OFD1: variants seen among roughly 807,000 people sequenced by gnomAD.
OFD1 encodes OFD1 centriole and centriolar satellite protein, also known as centriole and centriolar satellite protein OFD1.
Under a neutral mutation model 81.4 loss-of-function variants are expected in OFD1, and 12 were observed. The ratio of observed to expected loss-of-function variants is 0.15; its 90% confidence interval spans 0.09 to 0.24. The LOEUF is 0.24. Among genes scored for constraint, OFD1 ranks in the 10% least tolerant of loss-of-function variants. The pLI is 1.00. For synonymous variants in OFD1, 256 were observed against 263.7 expected (o/e 0.97, Z 0.28); for missense variants, 685 against 733.9 (o/e 0.93, Z 0.77).
Position 13,736,632 on chromosome X carries a change from A to T in OFD1, c.266A>T (p.Tyr89Phe). 1 of 1,210,537 alleles carries T rather than the reference A, an allele frequency of 8.3e-7. No homozygotes were observed. The highest frequency in any genetic ancestry group is 1.1e-6 in the Non-Finnish European group (1 of 894,709). The change falls in exon 3 of 23, where the codon TAT becomes TTT. Residue 89 changes from tyrosine to phenylalanine, a missense_variant. By Grantham distance (22) the Tyr-to-Phe change is conservative. Around this residue, in one of 3 missense-constraint regions of OFD1, gnomAD observed 414 missense variants for 447.2 expected, o/e 0.93. Transcript: ENST00000340096. ...CACTTACAAAGATGTGGCTATGAAT[A>T]TTCACTTTCTGTTTTCTTTCCAGAA... ...ADHLQRCGYE[Y>F]SLSVFFPESG... is the part of the protein sequence containing the mutation.
chrX:13,736,366 AG>A (rs775485918), intron 2 of OFD1, 111 bp from the exon 3 acceptor site: 2 of 1,097,959 alleles, frequency 1.8e-6, no homozygotes, highest in East Asian at 6.2e-5. Context: ...TGGAAATAGA[AG>A]GAAGGTTTCC....
downstream of OFD1, chrX:13,769,450 T>G (rs776446566): frequency 5.7e-6 from 1 of 175,980 alleles, no homozygotes; most frequent in South Asian, 1.8e-4. Flanking sequence ...TGTTCTTTCC[T>G]CTCCAAAGTT....
At position 13,756,693 on chromosome X, in the gene OFD1, A is replaced by C; in HGVS notation, c.1337A>C (p.Glu446Ala). Reference protein sequence around the residue: ...DYSLLKEEKLELLAQNKLLKQ... With the variant: ...DYSLLKEEKLALLAQNKLLKQ... ...TCACTACTAAAAGAAGAGAAACTGG[A>C]GCTTCTGGCACAAAATAAATTACTT... The change falls in exon 13 of 23, where the codon GAG (glutamate) becomes GCG (alanine). Residue 446 changes from glutamate (E) to alanine (A), a missense_variant. By Grantham distance (107) the Glu-to-Ala change is moderately radical (BLOSUM62 -1). Coordinates refer to ENST00000340096, the MANE Select transcript of OFD1 (RefSeq NM_003611.3). The C allele has an allele frequency of 8.3e-7, 1 of 1,206,735 alleles. No individual in the cohort carries two copies. Among genetic ancestry groups the C allele is most frequent in the Non-Finnish European group, 1.1e-6 (1 of 890,914 alleles).
At chrX:13,721,619 A>C in the OFD1 span, 2 of 112,104 alleles carry the variant, frequency 1.8e-5, no homozygotes, top group Non-Finnish European at 3.8e-5. Context: ...AATCAGAAGA[A>C]ATCTGATATG....
chrX:13,724,588 C>T, the OFD1 span, among the ~76,000 whole-genome samples: 1 of 111,315 alleles, frequency 9.0e-6, no homozygotes, highest in African/African-American at 3.3e-5. Flanking sequence ...AGGCAGGCTG[C>T]GAACCTCAAG....
chrX:13,739,675 A>T (rs2047012904), intron 5 of OFD1: 1 of 172,591 alleles, frequency 5.8e-6, no homozygotes, highest in African/African-American at 3.2e-5. Context: ...TTGAACCCGG[A>T]AGGCAGAGGT....
At chrX:13,733,038 C>T (rs1038287394), upstream of OFD1, among the ~76,000 whole-genome samples, 2 of 111,801 alleles carry the variant, frequency 1.8e-5, no homozygotes, top group Non-Finnish European at 3.8e-5. Context: ...ATTCTCCCTC[C>T]CCTAGAAGTT....
At chrX:13,716,835 T>C in the OFD1 span, 1 of 509,533 alleles carries the variant, frequency 2.0e-6, no homozygotes, top group Non-Finnish European at 3.2e-6. Context: ...AAAGATCTGT[T>C]TTCATATTAT....
At chrX:13,731,995 A>G (rs2041932215), upstream of OFD1, among the ~76,000 whole-genome samples, 1 of 112,081 alleles carries the variant, frequency 8.9e-6, no homozygotes. Flanking sequence ...TTAAAAATCA[A>G]CTGTACAAAA....
At chrX:13,748,305 A>G (rs2047371090) in intron 8 of OFD1, among the ~76,000 whole-genome samples, 1 of 112,067 alleles carries the variant, frequency 8.9e-6, no homozygotes, top group Non-Finnish European at 1.9e-5. Context: ...TCCTCATAAG[A>G]AGCACCATGT....
At chrX:13,722,337 A>G in the OFD1 span, 1 of 110,236 alleles carries the variant, frequency 9.1e-6, no homozygotes, top group African/African-American at 3.3e-5. Flanking sequence ...ATGGGCAAGC[A>G]GCATGGCGCT....
upstream of OFD1, among the ~76,000 whole-genome samples, chrX:13,732,779 G>C (rs1022909607): frequency 8.9e-6 from 1 of 112,949 alleles, no homozygotes; most frequent in Non-Finnish European, 1.9e-5. Context: ...ACAAATGCAA[G>C]ATAAAACTCA....
In OFD1 at chrX:13,761,223, G is replaced by C; in HGVS notation, c.2387+12G>C. 1 of 1,208,253 alleles carries C rather than the reference G, an allele frequency of 8.3e-7. No homozygotes were observed. Among genetic ancestry groups the C allele is most frequent in the Non-Finnish European group, 1.1e-6 (1 of 893,217 alleles). On this transcript the variant is annotated intron_variant, in intron 17 of 22. Transcript: ENST00000340096. ...GAGCAGAAAGTGGGGTAAGTATAAC[G>C]TTCTGATTGATTAGCTTCAGCTGAA... is the stretch of plus-strand genomic sequence containing the variant.
At chrX:13,765,615 T>C (rs2048096603) in intron 19 of OFD1, among the ~76,000 whole-genome samples, 1 of 110,735 alleles carries the variant, frequency 9.0e-6, no homozygotes, top group Non-Finnish European at 1.9e-5. Flanking sequence ...AGCAAAAAGG[T>C]TCAAAGTCCT....
At chrX:13,749,567 A>T (rs1305002827) in intron 9 of OFD1, 34 bp downstream of exon 9, 1 of 842,965 alleles carries the variant, frequency 1.2e-6, no homozygotes, top group Non-Finnish European at 1.8e-6. Flanking sequence ...GATATTCAGA[A>T]TGATGAGATT....
At chrX:13,738,257 A>C (rs763713081) in intron 3 of OFD1, among the ~76,000 whole-genome samples, 4 of 112,814 alleles carry the variant, frequency 3.5e-5, no homozygotes, top group African/African-American at 1.3e-4. Flanking sequence ...AATCCTATTC[A>C]TACAACTTAA....
chrX:13,767,606 A>ACTGT (rs747522700), intron 20 of OFD1, among the ~76,000 whole-genome samples: 1 of 112,284 alleles, frequency 8.9e-6, no homozygotes, highest in South Asian at 3.7e-4. Flanking sequence ...TAAAGAAGAG[A>ACTGT]CTGTCAGTGC....
At chrX:13,718,260 C>T in the OFD1 span, among the ~76,000 whole-genome samples, 4 of 113,187 alleles carry the variant, frequency 3.5e-5, no homozygotes, top group African/African-American at 9.6e-5. Flanking sequence ...GGCCCGTTGC[C>T]GTGGAATCCC....
chrX:13,730,581 G>T (rs1026249808), upstream of OFD1, among the ~76,000 whole-genome samples: 1 of 111,527 alleles, frequency 9.0e-6, no homozygotes, highest in African/African-American at 3.3e-5. Flanking sequence ...ATACCCAAAG[G>T]ATTACAAATC....
Sources: allele counts gnomAD v4.1 joint callset (sites outside exome capture counted in the v4.1 genomes callset), GRCh38; gene constraint gnomAD v4.1.1; regional missense constraint gnomAD v4.1.1; transcripts MANE v1.5; gene names NCBI Gene and HGNC (gene_info 2026-07-23, HGNC 2026-07-21).